NEBL: variants seen among roughly 807,000 people sequenced by gnomAD.
NEBL encodes nebulette, also known as LIM and SH3 protein 2.
A neutral mutation model predicts 140.2 loss-of-function variants in NEBL; 122 were observed. The observed-to-expected ratio is 0.87, with a 90% CI of 0.75 to 1.01. The LOEUF (loss-of-function observed/expected upper bound fraction) is 1.01, where lower values mean the gene tolerates loss of function less well. Among genes scored for constraint, NEBL ranks in the 50% least tolerant of loss-of-function variants. The pLI is 0.00. For synonymous variants in NEBL, 436 were observed against 398.9 expected (o/e 1.09, Z -1.11); for missense variants, 1,365 against 1,231.3 (o/e 1.11, Z -1.62).
At chr10:20,934,860 C>T (rs1834393240) in intron 4 of NEBL, among the ~76,000 whole-genome samples, 3 of 152,274 alleles carry the variant, frequency 2.0e-5, no homozygotes, top group South Asian at 4.1e-4. Context: ...ACAGACAAAT[C>T]TTTAAGACAT....
intron 3 of NEBL, among the ~76,000 whole-genome samples, chr10:21,001,343 C>G (rs561860592): frequency 6.6e-6 from 1 of 152,164 alleles, no homozygotes; most frequent in African/African-American, 2.4e-5. Flanking sequence ...CACGTAGCAG[C>G]TGGGAATCAG....
At chr10:21,055,431 T>C (rs1834971498) in intron 2 of NEBL, among the ~76,000 whole-genome samples, 1 of 152,132 alleles carries the variant, frequency 6.6e-6, no homozygotes. Context: ...TCTTTTAACT[T>C]TGGTGTCAAT....
At chr10:20,804,922 G>A (rs771593279) in intron 26 of NEBL, among the ~76,000 whole-genome samples, 13 of 152,170 alleles carry the variant, frequency 8.5e-5, no homozygotes, top group Non-Finnish European at 1.8e-4. Context: ...AGAGCAGGAG[G>A]TGGGTGGAAG....
intron 3 of NEBL, 103 bp downstream of exon 3, chr10:20,889,742 G>A (rs781568026): frequency 3.9e-6 from 3 of 766,274 alleles, no homozygotes; most frequent in African/African-American, 1.7e-5. Context: ...ATTCAGTAGT[G>A]CTTTTGAAAA....
intron 3 of NEBL, among the ~76,000 whole-genome samples, chr10:20,978,838 A>G (rs765066409): frequency 9.2e-5 from 14 of 152,272 alleles, no homozygotes; most frequent in South Asian, 4.1e-4. Context: ...GAGCCACTCG[A>G]GAGCAAGAGG....
At chr10:21,213,430 C>T (rs1298627476) in intron 3 of NEBL, among the ~76,000 whole-genome samples, 2 of 152,182 alleles carry the variant, frequency 1.3e-5, no homozygotes, top group Non-Finnish European at 2.9e-5. Context: ...ACGGGGGAAG[C>T]TTCAGTCTAA....
intron 22 of NEBL, among the ~76,000 whole-genome samples, chr10:20,815,273 T>G (rs1838611850): frequency 6.6e-6 from 1 of 152,204 alleles, no homozygotes; most frequent in Admixed American, 6.5e-5. Context: ...ACAATCCATG[T>G]TCAATGAAAT....
chr10:21,171,335 CAAAA>C (rs576463516), intron 2 of NEBL, among the ~76,000 whole-genome samples: 1 of 66,762 alleles, frequency 1.5e-5, no homozygotes, highest in African/African-American at 4.7e-5. Flanking sequence ...ACTTCTGTCT[CAAAA>C]AAAAAAAAAA....
At chr10:21,018,859 C>G (rs1241898221) in intron 3 of NEBL, among the ~76,000 whole-genome samples, 1 of 152,126 alleles carries the variant, frequency 6.6e-6, no homozygotes, top group Non-Finnish European at 1.5e-5. Context: ...GAAACCCTGT[C>G]CCTACTAAAA....
At chr10:20,793,958 A>G (rs932299965) in intron 26 of NEBL, among the ~76,000 whole-genome samples, 2 of 152,172 alleles carry the variant, frequency 1.3e-5, no homozygotes, top group African/African-American at 4.8e-5. Flanking sequence ...ATGTGGCTCT[A>G]TTTTAAACAT....
At chr10:21,291,271 C>T (rs1843138156) in intron 1 of NEBL, among the ~76,000 whole-genome samples, 1 of 151,764 alleles carries the variant, frequency 6.6e-6, no homozygotes, top group African/African-American at 2.4e-5. Flanking sequence ...TTTAGGAGGC[C>T]AAGGCAGGCA....
rs1843271585 is a variant in NEBL at position 20,858,101 on chromosome 10, G to A, written c.903+139C>T. The stretch of plus-strand genomic sequence containing the variant: ...GTGGGATTTCTGCAAGCAGAGGACT[G>A]TTTTTCAATGAGTTAGTTAACGAGG... On this transcript the variant is annotated intron_variant, in intron 9 of 27. Coordinates refer to ENST00000377122, the MANE Select transcript of NEBL (RefSeq NM_006393.3). 6.9e-6 allele frequency: 5 copies of A among 723,060 alleles called. No homozygotes were observed. The Admixed American group carries it at 8.3e-5, about 12-fold the overall frequency. The allele number at this position is 723,060 out of a possible 1,614,324, so 44.8% of individuals were successfully genotyped here.
At chr10:20,874,870 G>A (rs941675597) in intron 5 of NEBL, among the ~76,000 whole-genome samples, 1 of 152,164 alleles carries the variant, frequency 6.6e-6, no homozygotes, top group Non-Finnish European at 1.5e-5. Context: ...CTCCTGAGTA[G>A]CTGGGATTAC....
chr10:20,855,854 A>G (rs567836330), intron 9 of NEBL, among the ~76,000 whole-genome samples: 1 of 152,332 alleles, frequency 6.6e-6, no homozygotes, highest in East Asian at 1.9e-4. Flanking sequence ...AACAATAGCT[A>G]CTGTGACAAA....
intron 2 of NEBL, among the ~76,000 whole-genome samples, chr10:21,100,181 T>C (rs988174557): frequency 6.6e-6 from 1 of 152,186 alleles, no homozygotes; most frequent in Admixed American, 6.5e-5. Flanking sequence ...CCTCTGCTGC[T>C]GTGATCACCC....
chr10:20,903,441 A>G (rs1192107141), intron 4 of NEBL, among the ~76,000 whole-genome samples: 1 of 152,200 alleles, frequency 6.6e-6, no homozygotes, highest in East Asian at 1.9e-4. Context: ...TAAAACCTCT[A>G]CGGGAGACAA....
intron 3 of NEBL, among the ~76,000 whole-genome samples, chr10:20,979,797 C>G (rs1836959120): frequency 6.6e-6 from 1 of 152,120 alleles, no homozygotes; most frequent in Non-Finnish European, 1.5e-5. Context: ...ACCTCTAACT[C>G]TTGTGCTCAA....
In NEBL at chr10:21,261,391, C is replaced by G. The variant is rs1185620028; in HGVS notation, n.183-9563G>C. ...AAATAAAGAGACAGGCTGGGCACAG[C>G]GGCTCACACTGTAAGCCTAGCACTT... On this transcript the variant is annotated intron_variant and non_coding_transcript_variant, in intron 1 of 8. Coordinates refer to the NEBL transcript ENST00000675702. Among the ~76,000 whole-genome samples, 4 of 152,076 alleles carry G rather than the reference C, an allele frequency of 2.6e-5. No individual in the cohort carries two copies. The South Asian group carries it at 8.3e-4, about 32-fold the overall frequency.
intron 2 of NEBL, chr10:21,110,561 G>T: frequency 5.0e-6 from 1 of 200,772 alleles, no homozygotes; most frequent in South Asian, 7.9e-5. Flanking sequence ...CCTATTCAGC[G>T]ATTTTCATAC....
Sources: gnomAD v4.1 joint callset for allele counts (sites outside exome capture counted in the v4.1 genomes callset) on GRCh38, gnomAD v4.1.1 for gene constraint, MANE v1.5 for transcripts, NCBI Gene and HGNC (gene_info 2026-07-23, HGNC 2026-07-21) for gene names.